Variants in BTRC observed in about 807,000 individuals in gnomAD.
BTRC encodes the protein F-box/WD repeat-containing protein 1A.
In BTRC, 42 loss-of-function variants were observed where a neutral mutation model predicts 85.5. The observed-to-expected ratio is 0.49, with a 90% CI of 0.38 to 0.64. BTRC has a LOEUF of 0.64. BTRC is among the 30% of genes least tolerant of loss of function. The probability of loss-of-function intolerance (pLI) is 0.00; values close to 1 mark genes in which losing one functional copy is unlikely to be tolerated. For missense variants in BTRC, 594 were observed against 743.5 expected, an observed-to-expected ratio of 0.80 and a Z score of 2.34; for synonymous variants, 255 against 263.3, an observed-to-expected ratio of 0.97 and a Z score of 0.30.
intron 1 of BTRC, among the ~76,000 whole-genome samples, chr10:101,387,793 G>A (rs767212790): frequency 1.3e-5 from 2 of 151,870 alleles, no homozygotes; most frequent in East Asian, 1.9e-4. Context: ...AGGTTCAAGC[G>A]ATTCTCCTGC....
chr10:101,489,873 T>C (rs1564803830), intron 4 of BTRC, among the ~76,000 whole-genome samples: 1 of 152,188 alleles, frequency 6.6e-6, no homozygotes, highest in Non-Finnish European at 1.5e-5. Flanking sequence ...ATCCCAAAAA[T>C]GTCCAACTGG....
intron 1 of BTRC, among the ~76,000 whole-genome samples, chr10:101,414,430 A>G (rs570545258): frequency 2.6e-5 from 4 of 152,346 alleles, no homozygotes; most frequent in Non-Finnish European, 5.9e-5. Context: ...AGTGTAGTAC[A>G]TACTATTATG....
In BTRC at chr10:101,554,904, TGA is replaced by T. The variant is rs952004183; in HGVS notation, c.*1785_*1786del. 2 of 152,234 alleles carry T rather than the reference TGA, an allele frequency of 1.3e-5. No individual in the cohort carries two copies. The highest frequency in any genetic ancestry group is 4.8e-5 in the African/African-American group (2 of 41,470). The allele number at this position is 152,234 out of a possible 1,614,324, so 9.4% of individuals were successfully genotyped here. On this transcript the variant is annotated 3_prime_UTR_variant, in exon 15 of 15. Coordinates refer to ENST00000370187, the MANE Select transcript of BTRC (RefSeq NM_033637.4). The stretch of plus-strand genomic sequence containing the variant: ...CCCACTGAATGTTGTTACTACATAT[TGA>T]GAGTCATTTTATGCATATGCATTCT...
At chr10:101,441,379 A>G (rs962036762) in intron 2 of BTRC, among the ~76,000 whole-genome samples, 5 of 152,216 alleles carry the variant, frequency 3.3e-5, no homozygotes, top group African/African-American at 9.6e-5. Flanking sequence ...TTGCCTCATG[A>G]GCAAACATCA....
chr10:101,399,044 C>T (rs541034887), intron 1 of BTRC, among the ~76,000 whole-genome samples: 1 of 152,302 alleles, frequency 6.6e-6, no homozygotes, highest in South Asian at 2.1e-4. Context: ...CGTCCGCCTC[C>T]TGGGCTCAAG....
chr10:101,481,794 A>T (rs1945840909), intron 4 of BTRC, among the ~76,000 whole-genome samples: 1 of 152,108 alleles, frequency 6.6e-6, no homozygotes, highest in African/African-American at 2.4e-5. Flanking sequence ...TCCTTTCGTC[A>T]TCCTCTTAAA....
At chr10:101,495,126 C>G (rs576777467) in intron 4 of BTRC, among the ~76,000 whole-genome samples, 1 of 152,298 alleles carries the variant, frequency 6.6e-6, no homozygotes, top group East Asian at 1.9e-4. Flanking sequence ...TACTGACCTA[C>G]TTTGCTCTTA....
intron 1 of BTRC, among the ~76,000 whole-genome samples, chr10:101,392,620 C>T (rs921336943): frequency 2.0e-5 from 3 of 152,082 alleles, no homozygotes; most frequent in Non-Finnish European, 4.4e-5. Context: ...TTACCTCAGC[C>T]TCCCAAATAG....
At chr10:101,486,132 C>A (rs1945979049) in intron 4 of BTRC, among the ~76,000 whole-genome samples, 1 of 152,196 alleles carries the variant, frequency 6.6e-6, no homozygotes, top group African/African-American at 2.4e-5. Flanking sequence ...AATAAAATTA[C>A]TGCTAACGCT....
At chr10:101,508,998 A>AT (rs1946619823) in intron 4 of BTRC, among the ~76,000 whole-genome samples, 2 of 150,044 alleles carry the variant, frequency 1.3e-5, no homozygotes, top group East Asian at 3.9e-4. Flanking sequence ...TTTTTTCTGC[A>AT]TGTTCAATTT....
chr10:101,470,623 C>G (rs1054489834), intron 3 of BTRC, among the ~76,000 whole-genome samples: 1 of 152,156 alleles, frequency 6.6e-6, no homozygotes, highest in Non-Finnish European at 1.5e-5. Flanking sequence ...AGCCACCGCG[C>G]CTAGCCGGTT....
At chr10:101,464,854 T>C (rs1029992560) in intron 3 of BTRC, among the ~76,000 whole-genome samples, 2 of 152,164 alleles carry the variant, frequency 1.3e-5, no homozygotes, top group Admixed American at 1.3e-4. Flanking sequence ...ACCAGATTAC[T>C]GTTGGCTTGT....
At chr10:101,482,251 C>T (rs2134233247) in intron 4 of BTRC, among the ~76,000 whole-genome samples, 1 of 152,174 alleles carries the variant, frequency 6.6e-6, no homozygotes, top group Admixed American at 6.5e-5. Context: ...GAGCTTCTGA[C>T]CTCAGGTGAT....
chr10:101,413,824 A>G (rs867664863), intron 1 of BTRC, among the ~76,000 whole-genome samples: 3 of 152,164 alleles, frequency 2.0e-5, no homozygotes, highest in Non-Finnish European at 2.9e-5. Context: ...GTGTTTTTTT[A>G]TATACAGGAT....
At chr10:101,524,143 AAAG>A (rs1320064935) in intron 5 of BTRC, among the ~76,000 whole-genome samples, 1 of 152,204 alleles carries the variant, frequency 6.6e-6, no homozygotes, top group Non-Finnish European at 1.5e-5. Context: ...GTTTAAAACA[AAAG>A]AAGTACCTAT....
intron 2 of BTRC, among the ~76,000 whole-genome samples, chr10:101,437,651 G>A (rs1944566086): frequency 6.6e-6 from 1 of 152,096 alleles, no homozygotes; most frequent in South Asian, 2.1e-4. Flanking sequence ...TGGTAATACT[G>A]ATTTTGGTCA....
At chr10:101,439,422 C>A (rs1300659631) in intron 2 of BTRC, among the ~76,000 whole-genome samples, 2 of 152,194 alleles carry the variant, frequency 1.3e-5, no homozygotes, top group Non-Finnish European at 2.9e-5. Context: ...ACTCTGATTG[C>A]TGTTCCCTTT....
intron 4 of BTRC, among the ~76,000 whole-genome samples, chr10:101,513,058 A>G (rs551749730): frequency 6.6e-6 from 1 of 152,220 alleles, no homozygotes; most frequent in Admixed American, 6.5e-5. Flanking sequence ...ATTTTTTAAT[A>G]ATTGAACTTT....
chr10:101,501,387 C>A (rs1946398003), intron 4 of BTRC, among the ~76,000 whole-genome samples: 1 of 152,212 alleles, frequency 6.6e-6, no homozygotes, highest in Non-Finnish European at 1.5e-5. Context: ...TACACATGAA[C>A]TCCCATGCCA....
Sources: gnomAD v4.1 joint callset for allele counts (sites outside exome capture counted in the v4.1 genomes callset) on GRCh38, gnomAD v4.1.1 for gene constraint, MANE v1.5 for transcripts, NCBI Gene and HGNC (gene_info 2026-07-23, HGNC 2026-07-21) for gene names.